RPS6: variants seen among roughly 807,000 people sequenced by gnomAD.
RPS6 encodes the protein small ribosomal subunit protein eS6.
In RPS6, 1 loss-of-function variant was observed where a neutral mutation model predicts 27.1. The observed-to-expected ratio is 0.04, with a 90% CI of 0.01 to 0.18. RPS6 has a LOEUF of 0.18. Among genes scored for constraint, RPS6 ranks in the 10% least tolerant of loss-of-function variants. RPS6 has a pLI of 1.00. For missense variants in RPS6, 259 were observed against 319.1 expected (o/e 0.81, Z 1.44); for synonymous variants, 152 against 106.0 (o/e 1.43, Z -2.66).
rs1829633111 is a variant in RPS6 at position 19,378,922 on chromosome 9, C to A, written c.139-4G>T. On this transcript the variant is annotated splice_region_variant and splice_polypyrimidine_tract_variant and intron_variant, in intron 2 of 5. Coordinates refer to ENST00000380394, the MANE Select transcript of RPS6 (RefSeq NM_001010.3). Reference sequence around the variant, plus strand: ...CACTGATTCGGACCACATAACCCTGCAAGAGCATACAATGAATGACACATT... The same window carrying A: ...CACTGATTCGGACCACATAACCCTGAAAGAGCATACAATGAATGACACATT... The A allele has an allele frequency of 6.2e-7, 1 of 1,613,282 alleles. No individual in the cohort carries two copies. Among genetic ancestry groups the A allele is most frequent in the African/African-American group, 1.3e-5 (1 of 74,916 alleles).
At chr9:19,377,844 AAC>A (rs1336625675) in intron 4 of RPS6, among the ~76,000 whole-genome samples, 2 of 152,216 alleles carry the variant, frequency 1.3e-5, no homozygotes, top group Non-Finnish European at 2.9e-5. Context: ...AGTTTAAAGC[AAC>A]TTCTTTTGTA....
In RPS6 at chr9:19,378,519, GAAGA is replaced by G. The variant is rs1829626735; in HGVS notation, c.350-9_350-6del. 1.2e-6 allele frequency: 2 copies of G among 1,610,572 alleles called. No individual in the cohort carries two copies. The highest frequency in any genetic ancestry group is 1.3e-5 in the African/African-American group (1 of 74,718). On this transcript the variant is annotated splice_polypyrimidine_tract_variant and splice_region_variant and intron_variant, in intron 3 of 5. Transcript: ENST00000380394. ...GTCCAGGAATATCCTTCTCTCCTTA[GAAGA>G]AACAGTTGAAGAGATTTTAATTCAA...
At chr9:19,378,665 T>C in intron 3 of RPS6, 43 bp downstream of exon 3, 1 of 1,606,238 alleles carries the variant, frequency 6.2e-7, no homozygotes, top group Non-Finnish European at 8.5e-7. Flanking sequence ...GACAACTGGC[T>C]TTAAATCAAT....
At chr9:19,380,156 C>G (rs1803927529) in intron 1 of RPS6, 34 bp downstream of exon 1, 2 of 1,614,144 alleles carry the variant, frequency 1.2e-6, no homozygotes, top group Non-Finnish European at 1.7e-6. Flanking sequence ...TCACGTTCCC[C>G]AAACCCAGTC....
chr9:19,378,029 A>ACATATAT (rs1829618376), intron 4 of RPS6, among the ~76,000 whole-genome samples: 1 of 152,238 alleles, frequency 6.6e-6, no homozygotes, highest in African/African-American at 2.4e-5. Flanking sequence ...ATATAAAATT[A>ACATATAT]CAAAGTGTGT....
At chr9:19,379,136 G>A in intron 2 of RPS6, 2 of 781,812 alleles carry the variant, frequency 2.6e-6, no homozygotes, top group Non-Finnish European at 2.0e-6. Context: ...TCTAACCGAT[G>A]TTTTATTAGA....
chr9:19,378,681 C>A (rs116288835), intron 3 of RPS6, 27 bp downstream of exon 3: 4 of 1,609,852 alleles, frequency 2.5e-6, no homozygotes, highest in African/African-American at 2.7e-5. Context: ...TCAATTTCAA[C>A]GAAAATTGAA....
At chr9:19,380,147 C>A in intron 1 of RPS6, 43 bp downstream of exon 1, 1 of 1,613,794 alleles carries the variant, frequency 6.2e-7, no homozygotes, top group Non-Finnish European at 8.5e-7. Flanking sequence ...GGACTCGATT[C>A]ACGTTCCCCA....
chr9:19,378,259 G>T lies in RPS6; in HGVS notation c.496+109C>A. 2.8e-6 allele frequency: 3 copies of T among 1,076,476 alleles called. No homozygotes were observed. In the South Asian group the frequency reaches 4.7e-5, roughly 17 times the overall value. 66.7% of individuals were successfully genotyped at this position (1,076,476 alleles called of 1,614,324 possible). A position where few individuals can be genotyped will look rare whatever the true frequency, so the allele number is the denominator to read the frequency against. ...AATATTTTCTGTAAAAACTCCAAGT[G>T]AATAGTGCTAAGGCCTTCCAAAGGC... On this transcript the variant is annotated intron_variant, in intron 4 of 5. Coordinates refer to ENST00000380394, the MANE Select transcript of RPS6 (RefSeq NM_001010.3).
chr9:19,376,936 A>C (rs1179201585), intron 4 of RPS6: 3 of 276,350 alleles, frequency 1.1e-5, no homozygotes, highest in Admixed American at 9.5e-5. Context: ...CATTATGTTA[A>C]TATATAACTG....
chr9:19,377,830 CAG>C (rs1384887978), intron 4 of RPS6, among the ~76,000 whole-genome samples: 1 of 152,146 alleles, frequency 6.6e-6, no homozygotes, highest in Non-Finnish European at 1.5e-5. Flanking sequence ...ACAGATGAAA[CAG>C]AAGTTTAAAG....
rs1169601970 is a variant in RPS6 at position 19,378,756 on chromosome 9, T to C, written c.301A>G (p.Ile101Val). 6.8e-6 allele frequency: 11 copies of C among 1,614,170 alleles called. No individual in the cohort carries two copies. The highest frequency in any genetic ancestry group is 9.3e-6 in the Non-Finnish European group (11 of 1,180,020). ...AGAACGCTCAGATTTGCATCCACAA[T>C]GCAACCACGAACTGATTTTCTCTTT... ...ERKRKSVRGCIVDANLSVLNL... is the reference protein window; with the variant it reads ...ERKRKSVRGCVVDANLSVLNL... The change falls in exon 3 of 6, where the codon ATT becomes GTT. Residue 101 changes from isoleucine (I) to valine (V), a missense_variant. By Grantham distance (29) the Ile-to-Val change is conservative. Around this residue, in one of 3 missense-constraint regions of RPS6, gnomAD observed 191 missense variants for 231.6 expected, o/e 0.82. Transcript: ENST00000380394.
rs1829626511 is a variant in RPS6, at chr9:19,378,506, C to T, written c.358G>A (p.Asp120Asn). The T allele has an allele frequency of 6.2e-7, 1 of 1,612,532 alleles. No homozygotes were observed. The highest frequency in any genetic ancestry group is 8.5e-7 in the Non-Finnish European group (1 of 1,179,656). ...GTAGTATCAGTCAGTCCAGGAATAT[C>T]CTTCTCTCCTTAGAAGAAACAGTTG... ...NLVIVKKGEK[D>N]IPGLTDTTVP... Residue 120 changes from aspartate (D) to asparagine (N), a missense_variant, in exon 4 of 6, where the codon GAT becomes AAT. Transcript: ENST00000380394.
rs1829560213 is a variant in RPS6, at chr9:19,375,731, G to C, written c.*562C>G. ...CTTTGTGCATTTTTCACTGATCCAA[G>C]AATGTTTTTAGTCATTTCCTTTTCA... On this transcript the variant is annotated 3_prime_UTR_variant, in exon 6 of 6. Transcript: ENST00000380394. 1 of 152,238 alleles carries C rather than the reference G, an allele frequency of 6.6e-6. No individual in the cohort carries two copies. Among genetic ancestry groups the C allele is most frequent in the African/African-American group, 2.4e-5 (1 of 41,428 alleles). The allele number at this position is 152,238 out of a possible 1,614,324, so 9.4% of individuals were successfully genotyped here.
Position 19,380,223 on chromosome 9 carries a change from G to A in RPS6, c.-28C>T, listed in dbSNP as rs747764206. 12 of 1,612,694 alleles carry A rather than the reference G, an allele frequency of 7.4e-6. No individual in the cohort carries two copies. Among genetic ancestry groups the A allele is most frequent in the East Asian group, 6.7e-5 (3 of 44,860 alleles). ...TGAAGCAGCTGAACGCCTCCGAGGCGCCACGGAAAAGAGGGCCAACTTCCG... is the reference window on the plus strand; with the variant it reads ...TGAAGCAGCTGAACGCCTCCGAGGCACCACGGAAAAGAGGGCCAACTTCCG... On this transcript the variant is annotated 5_prime_UTR_variant, in exon 1 of 6. Coordinates refer to ENST00000380394, the MANE Select transcript of RPS6 (RefSeq NM_001010.3).
chr9:19,379,191 A>G (rs1377188325), intron 2 of RPS6: 2 of 985,964 alleles, frequency 2.0e-6, no homozygotes, highest in Non-Finnish European at 2.9e-6. Context: ...CAACAAACAA[A>G]TCAGATACAA....
chr9:19,376,176 A>T lies in RPS6; in HGVS notation c.*117T>A. 1 of 836,864 alleles carries T rather than the reference A, an allele frequency of 1.2e-6. No homozygotes were observed. Among genetic ancestry groups the T allele is most frequent in the East Asian group, 2.5e-5 (1 of 39,538 alleles). 51.8% of individuals were successfully genotyped at this position (836,864 alleles called of 1,614,324 possible). A position where few individuals can be genotyped will look rare whatever the true frequency, so the allele number is the denominator to read the frequency against. Reference sequence around the variant, plus strand: ...TCCACCATTGGAATACCATATATACATATCCCCATTTTCTATGACCTAACT... The same window carrying T: ...TCCACCATTGGAATACCATATATACTTATCCCCATTTTCTATGACCTAACT... On this transcript the variant is annotated 3_prime_UTR_variant, in exon 6 of 6. Coordinates refer to ENST00000380394, the MANE Select transcript of RPS6 (RefSeq NM_001010.3).
In RPS6 at chr9:19,376,104, T is replaced by A; in HGVS notation, c.*189A>T. The A allele has an allele frequency of 1.8e-6, 1 of 565,360 alleles. No individual in the cohort carries two copies. Among genetic ancestry groups the A allele is most frequent in the Non-Finnish European group, 3.1e-6 (1 of 322,852 alleles). 35.0% of individuals were successfully genotyped at this position (565,360 alleles called of 1,614,324 possible). Reference sequence around the variant, plus strand: ...ACCCATCCCCTGAAAGGAACCCCTGTACACTGACCTTGTCTTCCACTACCA... The same window carrying A: ...ACCCATCCCCTGAAAGGAACCCCTGAACACTGACCTTGTCTTCCACTACCA... On this transcript the variant is annotated 3_prime_UTR_variant, in exon 6 of 6. Coordinates refer to ENST00000380394, the MANE Select transcript of RPS6 (RefSeq NM_001010.3).
At chr9:19,378,986 G>A in intron 2 of RPS6, 68 bp from the exon 3 acceptor site, 1 of 1,445,952 alleles carries the variant, frequency 6.9e-7, no homozygotes, top group Non-Finnish European at 9.5e-7. Flanking sequence ...ACAGGATTGT[G>A]ACCTCTGTGA....
Sources: allele counts gnomAD v4.1 joint callset (sites outside exome capture counted in the v4.1 genomes callset), GRCh38; gene constraint gnomAD v4.1.1; regional missense constraint gnomAD v4.1.1; transcripts MANE v1.5; gene names NCBI Gene and HGNC (gene_info 2026-07-23, HGNC 2026-07-21).